The following MACROD2 variants were observed in gnomAD, a reference collection of about 807,000 sequenced individuals.
MACROD2 encodes the protein mono-ADP ribosylhydrolase 2.
In MACROD2, 36 loss-of-function variants were observed where a neutral mutation model predicts 70.4. That is an observed-to-expected ratio of 0.51 (90% CI 0.39 to 0.68). MACROD2 has a LOEUF of 0.68. Among genes scored for constraint, MACROD2 ranks in the 30% least tolerant of loss-of-function variants. MACROD2 has a pLI of 0.00. For missense variants in MACROD2, 496 were observed against 538.4 expected (o/e 0.92, Z 0.78); for synonymous variants, 172 against 178.8 (o/e 0.96, Z 0.30).
chr20:14,405,898 A>C (rs909977494), intron 3 of MACROD2, among the ~76,000 whole-genome samples: 1 of 152,148 alleles, frequency 6.6e-6, no homozygotes, highest in Non-Finnish European at 1.5e-5. Context: ...CAATTCATTG[A>C]CTAGAGGTCA....
At chr20:15,004,440 C>A (rs1347632873) in intron 5 of MACROD2, among the ~76,000 whole-genome samples, 1 of 152,146 alleles carries the variant, frequency 6.6e-6, no homozygotes, top group African/African-American at 2.4e-5. Flanking sequence ...AGTTTTAACA[C>A]CCTTTTAAAG....
intron 3 of MACROD2, among the ~76,000 whole-genome samples, chr20:14,269,287 G>C (rs571114366): frequency 1.3e-5 from 2 of 152,238 alleles, no homozygotes; most frequent in African/African-American, 4.8e-5. Context: ...TTTTAATTTG[G>C]AAATGAGAAT....
In MACROD2 at chr20:16,044,621, C is replaced by T. The variant is rs1555812695; in HGVS notation, c.1282C>T (p.Gln428Ter). Residue 428 changes from glutamine (Q) to a stop codon, truncating the protein, a stop_gained, in exon 17 of 18, where the codon CAA (glutamine) becomes TAA (stop). Coordinates refer to ENST00000684519, the MANE Select transcript of MACROD2 (RefSeq NM_001351661.2). LOFTEE classifies it high-confidence loss of function. Reference sequence around the variant, plus strand: ...GGTAAATGACCCAACAGAGAGTCAACAAGAAGATCAACTAATAGGTAAGAT... The same window carrying T: ...GGTAAATGACCCAACAGAGAGTCAATAAGAAGATCAACTAATAGGTAAGAT... Reference protein sequence around the residue: ...DKVNDPTESQQEDQLIAGAQD... With the variant: ...DKVNDPTESQ 1.9e-6 allele frequency: 3 copies of T among 1,611,574 alleles called. No homozygotes were observed. Among genetic ancestry groups the T allele is most frequent in the Admixed American group, 1.7e-5 (1 of 59,804 alleles).
rs759402463 is a variant in MACROD2, at chr20:14,326,317, G to A, written c.272-167162G>A. 1.2e-6 allele frequency: 2 copies of A among 1,613,870 alleles called. No individual in the cohort carries two copies. The highest frequency in any genetic ancestry group is 1.7e-5 in the Admixed American group (1 of 59,998). On this transcript the variant is annotated intron_variant, in intron 3 of 17. Transcript: ENST00000684519. The surrounding 1 kb of genome is among the most constrained non-coding windows in gnomAD (Gnocchi z 5.5). ...ACTCCCTGTGGTTTGGTGATCCTTA[G>A]TGAGCTTGGGGTTCTTAATATCTGG...
intron 7 of MACROD2, among the ~76,000 whole-genome samples, chr20:15,475,380 G>C (rs139284571): frequency 3.3e-5 from 5 of 152,188 alleles, no homozygotes; most frequent in Non-Finnish European, 7.3e-5. Context: ...GCTGATGAAA[G>C]TTTTTCTGCT....
At chr20:14,503,200 G>A (rs1394607228) in intron 4 of MACROD2, among the ~76,000 whole-genome samples, 2 of 152,128 alleles carry the variant, frequency 1.3e-5, no homozygotes, top group Admixed American at 6.5e-5. Flanking sequence ...AGTCAGGCCT[G>A]GAAAAAGAAG....
intron 3 of MACROD2, among the ~76,000 whole-genome samples, chr20:14,231,634 T>C (rs1157388278): frequency 6.6e-6 from 1 of 152,216 alleles, no homozygotes; most frequent in Non-Finnish European, 1.5e-5. Context: ...GCATGATTTA[T>C]AATCCTTTGG....
At chr20:15,799,058 C>T (rs963986110) in intron 8 of MACROD2, among the ~76,000 whole-genome samples, 18 of 152,166 alleles carry the variant, frequency 1.2e-4, no homozygotes, top group African/African-American at 4.1e-4. Flanking sequence ...ATGCCAAGAA[C>T]TGCCAAGTTC....
At chr20:14,784,397 A>T (rs999457586) in intron 5 of MACROD2, among the ~76,000 whole-genome samples, 1 of 152,060 alleles carries the variant, frequency 6.6e-6, no homozygotes, top group Admixed American at 6.6e-5. Flanking sequence ...CACTTTCTCT[A>T]AGATACTTCA....
At chr20:15,635,133 A>G (rs2146759575) in intron 8 of MACROD2, among the ~76,000 whole-genome samples, 1 of 152,334 alleles carries the variant, frequency 6.6e-6, no homozygotes, top group Non-Finnish European at 1.5e-5. Flanking sequence ...CAGCTAAGCT[A>G]CTGCATTCAA....
chr20:14,235,054 G>A (rs1466331958), intron 3 of MACROD2, among the ~76,000 whole-genome samples: 1 of 152,084 alleles, frequency 6.6e-6, no homozygotes, highest in Non-Finnish European at 1.5e-5. Context: ...TCTATTTATA[G>A]GTGGTAATTG....
At chr20:14,465,705 G>A (rs556777988) in intron 3 of MACROD2, among the ~76,000 whole-genome samples, 22 of 152,044 alleles carry the variant, frequency 1.4e-4, no homozygotes, top group East Asian at 5.8e-4. Context: ...TGCTTCCTTC[G>A]GGAGCTCTTT....
chr20:14,808,427 GA>G (rs2072666549), intron 5 of MACROD2, among the ~76,000 whole-genome samples: 1 of 152,006 alleles, frequency 6.6e-6, no homozygotes, highest in African/African-American at 2.4e-5. Flanking sequence ...AAGAGCTCCT[GA>G]AGGAAGCACT....
intron 5 of MACROD2, among the ~76,000 whole-genome samples, chr20:14,903,447 CTTA>C (rs2073922197): frequency 6.6e-6 from 1 of 152,066 alleles, no homozygotes; most frequent in African/African-American, 2.4e-5. Flanking sequence ...CTGCAGAATT[CTTA>C]TTAATTCCTA....
At chr20:15,358,751 C>T (rs2078317729) in intron 6 of MACROD2, among the ~76,000 whole-genome samples, 1 of 152,024 alleles carries the variant, frequency 6.6e-6, no homozygotes, top group East Asian at 1.9e-4. Context: ...TGGTACTGGC[C>T]TGCAGACGGT....
intron 3 of MACROD2, among the ~76,000 whole-genome samples, chr20:14,226,638 G>A (rs1336790861): frequency 6.6e-6 from 1 of 152,188 alleles, no homozygotes; most frequent in African/African-American, 2.4e-5. Context: ...GCAATGAGGG[G>A]CTTAGCACCC....
chr20:14,819,014 C>A (rs1215829452), intron 5 of MACROD2, among the ~76,000 whole-genome samples: 1 of 151,598 alleles, frequency 6.6e-6, no homozygotes, highest in Non-Finnish European at 1.5e-5. Context: ...CCTGCAATCC[C>A]AGCACTTTGG....
chr20:15,646,644 G>A (rs2049549221), intron 8 of MACROD2, among the ~76,000 whole-genome samples: 1 of 152,124 alleles, frequency 6.6e-6, no homozygotes, highest in Non-Finnish European at 1.5e-5. Context: ...GGAGGTAATT[G>A]GATCATGGGG....
chr20:15,577,305 TC>T (rs2048462233), intron 8 of MACROD2, among the ~76,000 whole-genome samples: 1 of 152,006 alleles, frequency 6.6e-6, no homozygotes, highest in Non-Finnish European at 1.5e-5. Flanking sequence ...TCACATCTAC[TC>T]AGAGTTCATA....
Sources: gnomAD v4.1 joint callset for allele counts (sites outside exome capture counted in the v4.1 genomes callset) on GRCh38, gnomAD v4.1.1 for gene constraint, Gnocchi (gnomAD v3.1) non-coding constraint, MANE v1.5 for transcripts, NCBI Gene and HGNC (gene_info 2026-07-23, HGNC 2026-07-21) for gene names.